The following PTPRF variants were observed in gnomAD, a reference collection of about 807,000 sequenced individuals.
PTPRF encodes the protein protein tyrosine phosphatase receptor type F.
Under a neutral mutation model 201.8 loss-of-function variants are expected in PTPRF, and 59 were observed. That is an observed-to-expected ratio of 0.29 (90% CI 0.24 to 0.36). The LOEUF (loss-of-function observed/expected upper bound fraction) is 0.36. Among genes scored for constraint, PTPRF ranks in the 10% least tolerant of loss-of-function variants. The probability of loss-of-function intolerance (pLI) is 1.00; values close to 1 mark genes in which losing one functional copy is unlikely to be tolerated. For synonymous variants in PTPRF, 1,088 were observed against 1,089.7 expected (o/e 1.00, Z 0.03); for missense variants, 2,132 against 2,690.5 (o/e 0.79, Z 4.59).
In PTPRF at chr1:43,598,025, C is replaced by G; in HGVS notation, c.2091C>G (p.Ser697Arg). Reference protein sequence around the residue: ...HTDVGPGPESSPVLVRTDEDV... With the variant: ...HTDVGPGPESRPVLVRTDEDV... ...ACGTGGGCCCCGGCCCCGAGAGCAG[C>G]CCGGTGCTGGTGCGCACCGATGAGG... Residue 697 changes from serine (S) to arginine (R), a missense_variant, in exon 12 of 34, where the codon AGC becomes AGG. Physicochemically the swap from Ser to Arg is moderately radical, Grantham distance 110. Coordinates refer to ENST00000359947, the MANE Select transcript of PTPRF (RefSeq NM_002840.5). 6.6e-7 allele frequency: 1 copy of G among 1,511,438 alleles called. No individual in the cohort carries two copies. Among genetic ancestry groups the G allele is most frequent in the Non-Finnish European group, 8.9e-7 (1 of 1,122,326 alleles). 93.6% of individuals were successfully genotyped at this position (1,511,438 alleles called of 1,614,324 possible).
Position 43,601,957 on chromosome 1 carries a change from G to A in PTPRF, c.2314-114G>A. On this transcript the variant is annotated intron_variant, in intron 13 of 33. Coordinates refer to ENST00000359947, the MANE Select transcript of PTPRF (RefSeq NM_002840.5). Reference sequence around the variant, plus strand: ...GTGCTACCCCCATGGGTACTTTGAGGCCCAAAAGCCCTCCCTCTGTCCTCC... The same window carrying A: ...GTGCTACCCCCATGGGTACTTTGAGACCCAAAAGCCCTCCCTCTGTCCTCC... The A allele has an allele frequency of 3.2e-6, 4 of 1,269,492 alleles. No individual in the cohort carries two copies. The South Asian group carries it at 3.7e-5, about 12-fold the overall frequency. The allele number at this position is 1,269,492 out of a possible 1,614,324, so 78.6% of individuals were successfully genotyped here.
intron 7 of PTPRF, among the ~76,000 whole-genome samples, chr1:43,580,398 C>T (rs1647284319): frequency 6.6e-6 from 1 of 152,196 alleles, no homozygotes; most frequent in Non-Finnish European, 1.5e-5. Context: ...ACCAGTTGAG[C>T]TGCAGAGGAA....
chr1:43,570,957 T>C (rs1173227643), intron 6 of PTPRF, among the ~76,000 whole-genome samples: 1 of 152,224 alleles, frequency 6.6e-6, no homozygotes, highest in Non-Finnish European at 1.5e-5. Flanking sequence ...TTTCTCATAG[T>C]TCCTCCAGGC....
chr1:43,606,352 C>T lies in PTPRF; in HGVS notation c.3596C>T (p.Thr1199Ile), dbSNP rs748370657. 1.2e-6 allele frequency: 2 copies of T among 1,614,196 alleles called. No homozygotes were observed. Among genetic ancestry groups the T allele is most frequent in the South Asian group, 1.1e-5 (1 of 91,084 alleles). Reference sequence around the variant, plus strand: ...CTGGATGTGCTCCCGGAGACCTTTACCTTGGGGGACAAGAAGAACTACCGG... The same window carrying T: ...CTGGATGTGCTCCCGGAGACCTTTATCTTGGGGGACAAGAAGAACTACCGG... ...AQLDVLPETFTLGDKKNYRGF... is the reference protein window; with the variant it reads ...AQLDVLPETFILGDKKNYRGF... Residue 1199 changes from threonine to isoleucine, a missense_variant, in exon 20 of 34, where the codon ACC becomes ATC. By Grantham distance (89) the Thr-to-Ile change is moderately conservative. This residue lies in a region of PTPRF where 818 missense variants were observed against 915.3 expected (regional missense o/e 0.89). Transcript: ENST00000359947.
At chr1:43,612,672 CTG>C in intron 22 of PTPRF, 3 of 1,151,932 alleles carry the variant, frequency 2.6e-6, no homozygotes, top group East Asian at 5.5e-5. Context: ...GGCACCTCCA[CTG>C]TGTGTGATGG....
At chr1:43,613,946 G>A (rs1174477233) in intron 23 of PTPRF, among the ~76,000 whole-genome samples, 1 of 152,152 alleles carries the variant, frequency 6.6e-6, no homozygotes, top group South Asian at 2.1e-4. Context: ...TTAGGAGATG[G>A]TTTCAAAAGG....
intron 7 of PTPRF, among the ~76,000 whole-genome samples, chr1:43,584,572 A>G (rs924230599): frequency 1.4e-5 from 2 of 139,942 alleles, no homozygotes; most frequent in African/African-American, 5.3e-5. Flanking sequence ...CTATGGTCCC[A>G]CCAAAAATAA....
chr1:43,606,901 G>A lies in PTPRF; in HGVS notation c.3790G>A (p.Val1264Met). Residue 1264 changes from valine to methionine, a missense_variant, in exon 21 of 34, where the codon GTG (valine) becomes ATG (methionine). Around this residue, in one of 6 missense-constraint regions of PTPRF, gnomAD observed 818 missense variants for 915.3 expected, o/e 0.89. Transcript: ENST00000359947. ...QQQEEPEMLW[V>M]TGPVLAVILI... ...GCAGGAGGAGCCGGAGATGCTGTGG[G>A]TGACGGGTCCCGTGCTGGCAGTCAT... 6.2e-7 allele frequency: 1 copy of A among 1,614,208 alleles called. No individual in the cohort carries two copies. The highest frequency in any genetic ancestry group is 1.1e-5 in the South Asian group (1 of 91,088).
At chr1:43,547,608 G>C (rs1381853615) in intron 3 of PTPRF, among the ~76,000 whole-genome samples, 4 of 152,272 alleles carry the variant, frequency 2.6e-5, no homozygotes, top group Non-Finnish European at 5.9e-5. Flanking sequence ...AGAAGATAGG[G>C]TAGGCACCCC....
At chr1:43,533,483 T>TG (rs1030072477) in intron 1 of PTPRF, among the ~76,000 whole-genome samples, 6 of 152,114 alleles carry the variant, frequency 3.9e-5, no homozygotes, top group African/African-American at 1.4e-4. Context: ...GGGTCCTCCC[T>TG]GGGGGCGGGG....
intron 6 of PTPRF, among the ~76,000 whole-genome samples, chr1:43,573,071 G>T (rs1478628025): frequency 6.6e-6 from 1 of 152,146 alleles, no homozygotes; most frequent in Non-Finnish European, 1.5e-5. Context: ...GTAGCTGACG[G>T]CATGCGCTGC....
At chr1:43,612,657 C>A in intron 22 of PTPRF, 2 of 1,026,222 alleles carry the variant, frequency 1.9e-6, no homozygotes, top group Non-Finnish European at 2.7e-6. Flanking sequence ...CTCGCAAGCC[C>A]GCTCGGCACC....
In PTPRF at chr1:43,621,854, A is replaced by G. The variant is rs1340577922; in HGVS notation, c.5656-81A>G. ...CTCTTGGCCAGCAGAGGCTAACTCC[A>G]TGGCTGCAGTGTGAGTGTCAGCTGT... is the stretch of plus-strand genomic sequence containing the variant. On this transcript the variant is annotated intron_variant, in intron 33 of 33. Transcript: ENST00000359947. 8 of 1,415,014 alleles carry G rather than the reference A, an allele frequency of 5.7e-6. No homozygotes were observed. The South Asian group carries it at 6.9e-5, about 12-fold the overall frequency. 87.7% of individuals were successfully genotyped at this position (1,415,014 alleles called of 1,614,324 possible). A position where few individuals can be genotyped will look rare whatever the true frequency, so the allele number is the denominator to read the frequency against.
intron 21 of PTPRF, among the ~76,000 whole-genome samples, chr1:43,608,361 C>T (rs1655641284): frequency 6.6e-6 from 1 of 152,206 alleles, no homozygotes; most frequent in Non-Finnish European, 1.5e-5. Flanking sequence ...TCTCTCTTCA[C>T]ACACCTCCCC....
At chr1:43,599,571 C>T (rs1387285335) in intron 13 of PTPRF, among the ~76,000 whole-genome samples, 1 of 152,166 alleles carries the variant, frequency 6.6e-6, no homozygotes, top group Non-Finnish European at 1.5e-5. Flanking sequence ...AACGATTCAG[C>T]CCCTGATGTT....
intron 22 of PTPRF, among the ~76,000 whole-genome samples, chr1:43,611,289 T>G (rs1312134872): frequency 3.9e-5 from 6 of 152,070 alleles, no homozygotes; most frequent in Non-Finnish European, 8.8e-5. Flanking sequence ...TGCTGGGACC[T>G]GGAGTGCAGA....
chr1:43,531,986 TTCCCCAGGTCACTCTGTTCTTTC>T (rs1643595836), intron 1 of PTPRF, among the ~76,000 whole-genome samples: 1 of 152,194 alleles, frequency 6.6e-6, no homozygotes, highest in African/African-American at 2.4e-5. Flanking sequence ...TCCATTCTTT[TTCCCCAGGTCACTCTGTTCTTTC>T]TCCCCAGGTC....
At position 43,622,160 on chromosome 1, in the gene PTPRF, C is replaced by T. The variant is rs1659363661; in HGVS notation, c.*157C>T. ...TCACAGCGTTTCAGGAACGTTGCCA[C>T]ACCAATCAGAGAGCCTAGAACATCC... On this transcript the variant is annotated 3_prime_UTR_variant, in exon 34 of 34. Coordinates refer to ENST00000359947, the MANE Select transcript of PTPRF (RefSeq NM_002840.5). 2.6e-6 allele frequency: 2 copies of T among 757,512 alleles called. No homozygotes were observed. The highest frequency in any genetic ancestry group is 4.3e-6 in the Non-Finnish European group (2 of 459,992). The allele number at this position is 757,512 out of a possible 1,614,324, so 46.9% of individuals were successfully genotyped here.
At chr1:43,561,159 G>A (rs986804796) in intron 5 of PTPRF, among the ~76,000 whole-genome samples, 1 of 152,164 alleles carries the variant, frequency 6.6e-6, no homozygotes, top group Non-Finnish European at 1.5e-5. Flanking sequence ...CAGTCCTTTT[G>A]GAAATAGCCC....
Sources: gnomAD v4.1 joint callset for allele counts (sites outside exome capture counted in the v4.1 genomes callset) on GRCh38, gnomAD v4.1.1 for gene constraint, gnomAD v4.1.1 regional missense constraint, MANE v1.5 for transcripts, NCBI Gene and HGNC (gene_info 2026-07-23, HGNC 2026-07-21) for gene names.